The following LRRC8C variants were observed in gnomAD, a reference collection of about 807,000 sequenced individuals.
LRRC8C encodes the protein volume-regulated anion channel subunit LRRC8C.
Under a neutral mutation model 55.3 loss-of-function variants are expected in LRRC8C, and 20 were observed. The observed-to-expected ratio is 0.36, with a 90% CI of 0.25 to 0.53. The LOEUF is 0.53. Among genes scored for constraint, LRRC8C ranks in the 20% least tolerant of loss-of-function variants. The pLI, the probability that LRRC8C is intolerant of heterozygous loss-of-function variation, is 0.92. For missense variants in LRRC8C, 659 were observed against 951.4 expected (o/e 0.69, Z 4.04); for synonymous variants, 376 against 360.7 (o/e 1.04, Z -0.48).
rs35427989 is a variant in LRRC8C, at chr1:89,693,646, C to CTTTTT, written c.138+7060_138+7064dup. On this transcript the variant is annotated intron_variant, in intron 2 of 2. Coordinates refer to ENST00000370454, the MANE Select transcript of LRRC8C (RefSeq NM_032270.5). ...GTTCCTTTTCTTTTATCTTTTCTTC[C>CTTTTT]TTTTTTTTTTTTTTTTTTTTTTTTT... Among the ~76,000 whole-genome samples the CTTTTT allele has an allele frequency of 1.5e-4, 12 of 82,702 alleles. 1 individual carries two copies. The highest frequency in any genetic ancestry group is 2.7e-4 in the African/African-American group (5 of 18,244). 54.3% of individuals were successfully genotyped at this position (82,702 alleles called of 152,430 possible). A position where few individuals can be genotyped will look rare whatever the true frequency, so the allele number is the denominator to read the frequency against.
intron 1 of LRRC8C, among the ~76,000 whole-genome samples, chr1:89,657,004 T>C (rs927301815): frequency 1.2e-4 from 19 of 152,210 alleles, no homozygotes; most frequent in Admixed American, 1.2e-3. Flanking sequence ...CTAGTAGCCA[T>C]AGAGCTAGAT....
At chr1:89,694,213 G>C (rs1658104273) in intron 2 of LRRC8C, among the ~76,000 whole-genome samples, 1 of 151,900 alleles carries the variant, frequency 6.6e-6, no homozygotes. Context: ...ATCTTCCCTA[G>C]AATTTTACTT....
chr1:89,714,247 A>G lies in LRRC8C; in HGVS notation c.1677A>G (p.Ala559=). ...IKSNVSKIPQ[A]VVDVSSHLQK... ...GCAACGTTTCCAAAATCCCTCAGGC[A>G]GTGGTTGATGTTTCCAGCCATCTCC... The change falls in exon 3 of 3, where the codon GCA becomes GCG. Residue 559 remains alanine (A), a synonymous_variant. Coordinates refer to ENST00000370454, the MANE Select transcript of LRRC8C (RefSeq NM_032270.5). This position sits in a 1 kb window ranked among gnomAD's most constrained non-coding sequence, Gnocchi z 4.6. The G allele has an allele frequency of 1.2e-6, 2 of 1,614,128 alleles. No homozygotes were observed. Among genetic ancestry groups the G allele is most frequent in the Non-Finnish European group, 1.7e-6 (2 of 1,180,026 alleles).
At chr1:89,686,688 G>A (rs767254970) in intron 2 of LRRC8C, 77 bp downstream of exon 2, 31 of 1,521,056 alleles carry the variant, frequency 2.0e-5, no homozygotes, top group Admixed American at 3.6e-5. Context: ...GGAGCTGGCT[G>A]TGTGATTTTT....
chr1:89,639,113 G>A (rs1002065887), intron 1 of LRRC8C, among the ~76,000 whole-genome samples: 4 of 151,908 alleles, frequency 2.6e-5, no homozygotes, highest in Non-Finnish European at 4.4e-5. Flanking sequence ...AGCCTCTGGA[G>A]TAGCTGGGAC....
the LRRC8C span, among the ~76,000 whole-genome samples, chr1:89,621,853 T>C: frequency 1.4e-4 from 21 of 152,334 alleles, no homozygotes; most frequent in African/African-American, 5.1e-4. Flanking sequence ...CAGCAAAACC[T>C]TATGTGAAAC....
chr1:89,654,370 G>T (rs539403808), intron 1 of LRRC8C, among the ~76,000 whole-genome samples: 1 of 152,098 alleles, frequency 6.6e-6, no homozygotes, highest in African/African-American at 2.4e-5. Flanking sequence ...CCACTACCCA[G>T]TATAGCCATG....
At chr1:89,663,444 C>G (rs1407262578) in intron 1 of LRRC8C, among the ~76,000 whole-genome samples, 1 of 152,042 alleles carries the variant, frequency 6.6e-6, no homozygotes, top group Non-Finnish European at 1.5e-5. Flanking sequence ...GTGGCCAGCA[C>G]CTGTAGTCCT....
rs1171912026 is a variant in LRRC8C, at chr1:89,651,019, AT to A, written c.-5+17698del. ...CAAATTGCCATATCTCAGAAAAAAAATAATCCAGTGATCAAGAAGCATAACA... is the reference window on the plus strand; with the variant it reads ...CAAATTGCCATATCTCAGAAAAAAAAAATCCAGTGATCAAGAAGCATAACA... On this transcript the variant is annotated intron_variant, in intron 1 of 2. Coordinates refer to ENST00000370454, the MANE Select transcript of LRRC8C (RefSeq NM_032270.5). Among the ~76,000 whole-genome samples, 14 of 152,336 alleles carry A rather than the reference AT, an allele frequency of 9.2e-5. No homozygotes were observed. In the East Asian group the frequency reaches 2.3e-3, roughly 25 times the overall value.
chr1:89,658,566 G>T (rs1008927874), intron 1 of LRRC8C, among the ~76,000 whole-genome samples: 5 of 152,100 alleles, frequency 3.3e-5, no homozygotes, highest in African/African-American at 1.2e-4. Context: ...TTTTAAGGAA[G>T]ATTATACCTA....
At chr1:89,689,310 A>G (rs1216405821) in intron 2 of LRRC8C, among the ~76,000 whole-genome samples, 4 of 152,202 alleles carry the variant, frequency 2.6e-5, no homozygotes, top group Non-Finnish European at 1.5e-5. Flanking sequence ...GAAGAACAGT[A>G]AAAGGTGAGG....
intron 2 of LRRC8C, among the ~76,000 whole-genome samples, chr1:89,705,805 T>A (rs1371182875): frequency 2.0e-5 from 3 of 152,022 alleles, no homozygotes; most frequent in East Asian, 1.9e-4. Context: ...ATGGTTTTTT[T>A]AAAAGACAGA....
intron 1 of LRRC8C, among the ~76,000 whole-genome samples, chr1:89,641,556 CT>C (rs955553159): frequency 7.3e-5 from 11 of 149,910 alleles, no homozygotes; most frequent in Middle Eastern, 3.2e-3. Context: ...AAGTTAGAAA[CT>C]TTTTTTTTTA....
chr1:89,696,521 G>A (rs1462348582), intron 2 of LRRC8C, among the ~76,000 whole-genome samples: 1 of 152,140 alleles, frequency 6.6e-6, no homozygotes, highest in Admixed American at 6.5e-5. Context: ...AGAGGGGAGA[G>A]AGATATTGAT....
In LRRC8C at chr1:89,686,420, A is replaced by G. The variant is rs1210289920; in HGVS notation, c.-4-50A>G. On this transcript the variant is annotated intron_variant, in intron 1 of 2. Coordinates refer to ENST00000370454, the MANE Select transcript of LRRC8C (RefSeq NM_032270.5). ...GAGCCACATTTGGTAACAATGCAGT[A>G]TGTTGTACTGGAAGATAAATTGATT... is the stretch of plus-strand genomic sequence containing the variant. 7.5e-6 allele frequency: 12 copies of G among 1,599,102 alleles called. No individual in the cohort carries two copies. The East Asian group carries it at 2.0e-4, about 27-fold the overall frequency.
intron 2 of LRRC8C, among the ~76,000 whole-genome samples, chr1:89,703,391 A>G (rs560360372): frequency 2.1e-4 from 32 of 152,344 alleles, no homozygotes; most frequent in Admixed American, 1.2e-3. Context: ...CTTACAGGAT[A>G]TATGAGTTTC....
At chr1:89,703,982 AT>A (rs1658402524) in intron 2 of LRRC8C, among the ~76,000 whole-genome samples, 1 of 152,118 alleles carries the variant, frequency 6.6e-6, no homozygotes, top group African/African-American at 2.4e-5. Context: ...AAAAATAGAG[AT>A]TAAAAGATAA....
intron 2 of LRRC8C, among the ~76,000 whole-genome samples, chr1:89,704,586 C>T (rs1658419710): frequency 6.6e-6 from 1 of 152,042 alleles, no homozygotes; most frequent in Admixed American, 6.5e-5. Flanking sequence ...TATCAGGGCT[C>T]ATGAAGGAAT....
chr1:89,640,861 A>G (rs1454201802), intron 1 of LRRC8C, among the ~76,000 whole-genome samples: 1 of 152,258 alleles, frequency 6.6e-6, no homozygotes, highest in Non-Finnish European at 1.5e-5. Context: ...ATTTTGAAGC[A>G]AGAATTTGAA....
Sources: gnomAD v4.1 joint callset for allele counts (sites outside exome capture counted in the v4.1 genomes callset) on GRCh38, gnomAD v4.1.1 for gene constraint, Gnocchi (gnomAD v3.1) non-coding constraint, MANE v1.5 for transcripts, NCBI Gene and HGNC (gene_info 2026-07-23, HGNC 2026-07-21) for gene names.